Variants in KIRREL3 observed in about 807,000 individuals in gnomAD.
KIRREL3 encodes kirre like nephrin family adhesion molecule 3, also known as kin of IRRE-like protein 3.
Under a neutral mutation model 89.7 loss-of-function variants are expected in KIRREL3, and 36 were observed. The observed-to-expected ratio is 0.40, with a 90% CI of 0.31 to 0.53. The LOEUF (loss-of-function observed/expected upper bound fraction) is 0.53, where lower values mean the gene tolerates loss of function less well. Among genes scored for constraint, KIRREL3 ranks in the 20% least tolerant of loss-of-function variants. The pLI, the probability that KIRREL3 is intolerant of heterozygous loss-of-function variation, is 0.49. For synonymous variants in KIRREL3, 445 were observed against 441.4 expected (o/e 1.01, Z -0.10); for missense variants, 864 against 1,056.6 (o/e 0.82, Z 2.53).
At chr11:126,956,373 C>A (rs1948922263) in intron 1 of KIRREL3, among the ~76,000 whole-genome samples, 1 of 152,164 alleles carries the variant, frequency 6.6e-6, no homozygotes, top group South Asian at 2.1e-4. Flanking sequence ...CTGACAAAGT[C>A]TCTCCTCGTC....
intron 6 of KIRREL3, among the ~76,000 whole-genome samples, chr11:126,457,578 A>C (rs1411408516): frequency 6.6e-6 from 1 of 151,956 alleles, no homozygotes; most frequent in Admixed American, 6.6e-5. Flanking sequence ...GGACAGGGAG[A>C]GACATGGGCA....
At chr11:126,854,157 T>C (rs897924938) in intron 1 of KIRREL3, among the ~76,000 whole-genome samples, 15 of 149,470 alleles carry the variant, frequency 1.0e-4, no homozygotes, top group Non-Finnish European at 1.6e-4. Context: ...TGTGTGTGTG[T>C]GTATGTGGTG....
intron 6 of KIRREL3, among the ~76,000 whole-genome samples, chr11:126,457,285 G>A (rs1591571115): frequency 6.6e-6 from 1 of 151,580 alleles, no homozygotes; most frequent in Non-Finnish European, 1.5e-5. Flanking sequence ...ATGCATATGT[G>A]TATGTGTGTA....
At chr11:126,992,559 C>A (rs1950065592) in intron 1 of KIRREL3, 1 of 152,226 alleles carries the variant, frequency 6.6e-6, no homozygotes, top group African/African-American at 2.4e-5. Context: ...ATTCTCTACT[C>A]TTAAATGGAA....
chr11:126,610,607 TG>T lies in KIRREL3; in HGVS notation c.56-47696del, dbSNP rs1419711649. On this transcript the variant is annotated intron_variant, in intron 1 of 16. Transcript: ENST00000525144. This position sits in a 1 kb window ranked among gnomAD's most constrained non-coding sequence, Gnocchi z 4.6. The stretch of plus-strand genomic sequence containing the variant: ...GCCAGGCACTGGGGCTATAATCACA[TG>T]GGGAGAAGGAGCCAACCGTGCATGT... 2 of 152,190 alleles carry T rather than the reference TG, an allele frequency of 1.3e-5. No homozygotes were observed. Among genetic ancestry groups the T allele is most frequent in the Non-Finnish European group, 2.9e-5 (2 of 68,038 alleles). 9.4% of individuals were successfully genotyped at this position (152,190 alleles called of 1,614,324 possible).
In KIRREL3 at chr11:126,943,979, C is replaced by T. The variant is rs568800640; in HGVS notation, c.55+56476G>A. ...AAACAGCAGAGGCAGGAAGTTTGCT[C>T]TCACCTTCCCCTCGCCTTTCTCCCC... On this transcript the variant is annotated intron_variant, in intron 1 of 16. Transcript: ENST00000525144. The surrounding 1 kb of genome is among the most constrained non-coding windows in gnomAD (Gnocchi z 4.2). Among the ~76,000 whole-genome samples, 186 of 152,284 alleles carry T rather than the reference C, an allele frequency of 1.2e-3. 1 individual carries two copies. Among genetic ancestry groups the T allele is most frequent in the African/African-American group, 4.4e-3 (183 of 41,562 alleles).
intron 11 of KIRREL3, among the ~76,000 whole-genome samples, chr11:126,438,868 G>A (rs71475959): frequency 0.082 from 12,506 of 152,128 alleles, 670 homozygotes; most frequent in Non-Finnish European, 0.12. Flanking sequence ...CTCAGCCCCC[G>A]CATGCACGGG....
chr11:126,877,675 T>C lies in KIRREL3; in HGVS notation c.55+122780A>G, dbSNP rs548274413. Among the ~76,000 whole-genome samples, 1 of 152,360 alleles carries C rather than the reference T, an allele frequency of 6.6e-6. No individual in the cohort carries two copies. Among genetic ancestry groups the C allele is most frequent in the East Asian group, 1.9e-4 (1 of 5,192 alleles). On this transcript the variant is annotated intron_variant, in intron 1 of 16. Coordinates refer to ENST00000525144, the MANE Select transcript of KIRREL3 (RefSeq NM_032531.4). The surrounding 1 kb of genome is among the most constrained non-coding windows in gnomAD (Gnocchi z 4.9). ...TTATTTGGCTAGCATAACTGGTGCA[T>C]GTGCAAGTATAATTTTGAACAGGGA...
intron 1 of KIRREL3, among the ~76,000 whole-genome samples, chr11:126,631,558 G>A (rs1261788662): frequency 1.3e-5 from 2 of 152,188 alleles, no homozygotes; most frequent in Non-Finnish European, 2.9e-5. Flanking sequence ...GAGGTGAGGA[G>A]AGAACACCCT....
intron 1 of KIRREL3, among the ~76,000 whole-genome samples, chr11:126,596,992 T>C (rs1470811710): frequency 1.3e-5 from 2 of 152,198 alleles, no homozygotes; most frequent in African/African-American, 4.8e-5. Context: ...CTAGTCTCTT[T>C]ACAAAGTCAT....
chr11:126,665,355 T>G (rs1945612514), intron 1 of KIRREL3, among the ~76,000 whole-genome samples: 1 of 152,234 alleles, frequency 6.6e-6, no homozygotes, highest in South Asian at 2.1e-4. Flanking sequence ...GTACAGTGGC[T>G]CTTTGCCAGG....
intron 1 of KIRREL3, among the ~76,000 whole-genome samples, chr11:126,882,910 A>G (rs1322881322): frequency 6.6e-6 from 1 of 152,168 alleles, no homozygotes; most frequent in Non-Finnish European, 1.5e-5. Flanking sequence ...CATGAATATG[A>G]CTTGTTGGAC....
rs1941376656 is a variant in KIRREL3 at position 126,578,527 on chromosome 11, C to T, written c.56-15615G>A. Among the ~76,000 whole-genome samples, 1 of 152,106 alleles carries T rather than the reference C, an allele frequency of 6.6e-6. No individual in the cohort carries two copies. The highest frequency in any genetic ancestry group is 6.5e-5 in the Admixed American group (1 of 15,272). On this transcript the variant is annotated intron_variant, in intron 1 of 16. Coordinates refer to ENST00000525144, the MANE Select transcript of KIRREL3 (RefSeq NM_032531.4). This position sits in a 1 kb window ranked among gnomAD's most constrained non-coding sequence, Gnocchi z 4.9. ...GACGGGGTGAGAACTTGGGGTGTGG[C>T]GTGTCCCTGTGGGTGGACACATTGT...
intron 5 of KIRREL3, among the ~76,000 whole-genome samples, chr11:126,465,476 A>G (rs969261564): frequency 5.9e-5 from 9 of 152,224 alleles, no homozygotes; most frequent in African/African-American, 2.2e-4. Flanking sequence ...AGTTAGGGCC[A>G]CAGGGAGAAA....
At chr11:126,861,180 G>A (rs780629018) in intron 1 of KIRREL3, among the ~76,000 whole-genome samples, 10 of 152,156 alleles carry the variant, frequency 6.6e-5, no homozygotes, top group Admixed American at 1.3e-4. Flanking sequence ...AAGGCTTGGT[G>A]TCATCATTTC....
Position 126,424,444 on chromosome 11 carries a change from C to T in KIRREL3, c.*136G>A. The stretch of plus-strand genomic sequence containing the variant: ...GCTTGATCAGAGCTTCGAAGGAAGG[C>T]AGTGGCAGAGGCGCTGGGAGGCTGT... On this transcript the variant is annotated 3_prime_UTR_variant, in exon 17 of 17. Coordinates refer to ENST00000525144, the MANE Select transcript of KIRREL3 (RefSeq NM_032531.4). The T allele has an allele frequency of 1.3e-6, 1 of 758,640 alleles. No individual in the cohort carries two copies. Among genetic ancestry groups the T allele is most frequent in the Non-Finnish European group, 2.1e-6 (1 of 474,038 alleles). 47.0% of individuals were successfully genotyped at this position (758,640 alleles called of 1,614,324 possible).
rs1366261953 is a variant in KIRREL3, at chr11:126,428,077, G to A, written c.1806+1102C>T. Reference sequence around the variant, plus strand: ...CCCCGGGATGAACACAGCAGCAGCTGCTCACCCTCTAGCAACATAAACCGC... The same window carrying A: ...CCCCGGGATGAACACAGCAGCAGCTACTCACCCTCTAGCAACATAAACCGC... On this transcript the variant is annotated intron_variant, in intron 15 of 16. Transcript: ENST00000525144. The surrounding 1 kb of genome is among the most constrained non-coding windows in gnomAD (Gnocchi z 6.4). Among the ~76,000 whole-genome samples the A allele has an allele frequency of 6.6e-6, 1 of 152,190 alleles. No individual in the cohort carries two copies. Among genetic ancestry groups the A allele is most frequent in the African/African-American group, 2.4e-5 (1 of 41,448 alleles).
intron 1 of KIRREL3, among the ~76,000 whole-genome samples, chr11:126,825,630 A>G (rs1203585470): frequency 1.3e-5 from 2 of 152,330 alleles, no homozygotes. Context: ...ACTTACAAGG[A>G]AAGGGAATAC....
Position 126,825,563 on chromosome 11 carries a change from TTTAAA to T in KIRREL3, c.55+174887_55+174891del, listed in dbSNP as rs1394194242. Among the ~76,000 whole-genome samples the T allele has an allele frequency of 3.9e-5, 6 of 152,290 alleles. No homozygotes were observed. The East Asian group carries it at 1.2e-3, about 29-fold the overall frequency. ...AACATGATCTGAATATACCTGAGAT[TTTAAA>T]TGGTGATAAAAATCACAGGCTACTG... On this transcript the variant is annotated intron_variant, in intron 1 of 16. Transcript: ENST00000525144.
Sources: allele counts gnomAD v4.1 joint callset (sites outside exome capture counted in the v4.1 genomes callset), GRCh38; gene constraint gnomAD v4.1.1; non-coding constraint Gnocchi (gnomAD v3.1); transcripts MANE v1.5; gene names NCBI Gene and HGNC (gene_info 2026-07-23, HGNC 2026-07-21).